OSBPL10: variants seen among roughly 807,000 people sequenced by gnomAD.
The protein encoded by OSBPL10 is oxysterol-binding protein-related protein 10.
A neutral mutation model predicts 81.7 loss-of-function variants in OSBPL10; 49 were observed. That is an observed-to-expected ratio of 0.60 (90% CI 0.48 to 0.76). The LOEUF (loss-of-function observed/expected upper bound fraction) is 0.76, where lower values mean the gene tolerates loss of function less well. Ranked by LOEUF, OSBPL10 falls within the 30% of genes least tolerant of loss-of-function variation. OSBPL10 has a pLI of 0.00. For missense variants in OSBPL10, 923 were observed against 987.8 expected (o/e 0.93, Z 0.88); for synonymous variants, 419 against 383.6 (o/e 1.09, Z -1.08).
chr3:31,727,811 C>T (rs1484422165), intron 6 of OSBPL10, among the ~76,000 whole-genome samples: 2 of 152,160 alleles, frequency 1.3e-5, no homozygotes, highest in African/African-American at 2.4e-5. Context: ...TCTACCTATA[C>T]CTTTATGTAT....
intron 4 of OSBPL10, among the ~76,000 whole-genome samples, chr3:31,786,105 A>G (rs1698853084): frequency 6.6e-6 from 1 of 152,178 alleles, no homozygotes; most frequent in Non-Finnish European, 1.5e-5. Context: ...CCTCCTTTTC[A>G]GTGAGCCACC....
intron 6 of OSBPL10, among the ~76,000 whole-genome samples, chr3:31,706,050 G>C (rs116070886): frequency 0.021 from 3,228 of 152,166 alleles, 131 homozygotes; most frequent in African/African-American, 0.072. Flanking sequence ...GGAAAAATGA[G>C]GATTTTAATA....
intron 1 of OSBPL10, among the ~76,000 whole-genome samples, chr3:31,965,810 AT>A: frequency 3.1e-5 from 2 of 63,786 alleles, no homozygotes; most frequent in African/African-American, 2.8e-4. Context: ...ATCTATTTAT[AT>A]AATATATATT....
chr3:31,686,173 A>T (rs2125554335), intron 7 of OSBPL10, among the ~76,000 whole-genome samples: 1 of 152,248 alleles, frequency 6.6e-6, no homozygotes, highest in African/African-American at 2.4e-5. Flanking sequence ...GCCAGATGTG[A>T]CACTATGCTC....
At chr3:31,725,433 C>T (rs1311221291) in intron 6 of OSBPL10, among the ~76,000 whole-genome samples, 3 of 152,138 alleles carry the variant, frequency 2.0e-5, no homozygotes, top group Admixed American at 6.5e-5. Flanking sequence ...AGAAAAAACC[C>T]GGATGATCAA....
chr3:31,880,353 C>G (rs116735242), intron 1 of OSBPL10, among the ~76,000 whole-genome samples: 2,590 of 152,342 alleles, frequency 0.017, 62 homozygotes, highest in African/African-American at 0.058. Flanking sequence ...CTGCAACCAT[C>G]TGGACACGCT....
At chr3:32,032,962 T>A (rs983252768) in intron 2 of OSBPL10, among the ~76,000 whole-genome samples, 2 of 152,180 alleles carry the variant, frequency 1.3e-5, no homozygotes, top group Admixed American at 6.5e-5. Flanking sequence ...CTATCAGCAA[T>A]AAAATGTAAA....
At chr3:31,671,885 C>T (rs1242871347) in intron 8 of OSBPL10, among the ~76,000 whole-genome samples, 2 of 152,142 alleles carry the variant, frequency 1.3e-5, no homozygotes, top group African/African-American at 4.8e-5. Context: ...GGCCCTGAGA[C>T]CCAGCACTAC....
chr3:31,814,052 C>G (rs1313398619), intron 4 of OSBPL10, among the ~76,000 whole-genome samples: 1 of 152,158 alleles, frequency 6.6e-6, no homozygotes, highest in South Asian at 2.1e-4. Context: ...ATCCTTACAG[C>G]CTCTCTCCTC....
intron 7 of OSBPL10, among the ~76,000 whole-genome samples, chr3:31,690,435 C>T (rs1286232827): frequency 6.6e-6 from 1 of 152,046 alleles, no homozygotes; most frequent in Non-Finnish European, 1.5e-5. Context: ...TTCTTGATAG[C>T]AATGCAAGAA....
upstream of OSBPL10, chr3:31,981,306 G>T: frequency 7.9e-7 from 1 of 1,273,444 alleles, no homozygotes; most frequent in South Asian, 2.7e-5. This position sits in a 1 kb window ranked among gnomAD's most constrained non-coding sequence, Gnocchi z 4.5. Context: ...GGAAATGCCT[G>T]ACTCATACAG....
chr3:31,917,379 T>C (rs1054711511), intron 1 of OSBPL10, among the ~76,000 whole-genome samples: 1 of 152,230 alleles, frequency 6.6e-6, no homozygotes, highest in Admixed American at 6.5e-5. Flanking sequence ...AAATCCTTAC[T>C]GCTTGACTAG....
chr3:31,889,337 A>T (rs1029562956), intron 1 of OSBPL10, among the ~76,000 whole-genome samples: 2 of 152,206 alleles, frequency 1.3e-5, no homozygotes, highest in African/African-American at 4.8e-5. Context: ...TATTGAAGAG[A>T]CATCTGCACC....
intron 2 of OSBPL10, among the ~76,000 whole-genome samples, chr3:31,876,903 CTTTT>C (rs35788348): frequency 4.6e-5 from 6 of 131,754 alleles, no homozygotes; most frequent in East Asian, 2.2e-4. Context: ...TCAAATGGCA[CTTTT>C]TTTTTTTTTT....
intron 1 of OSBPL10, among the ~76,000 whole-genome samples, chr3:31,911,055 G>T (rs770596876): frequency 7.9e-5 from 12 of 152,102 alleles, no homozygotes; most frequent in Non-Finnish European, 1.5e-4. Context: ...CATATTAAAT[G>T]CGACACCCAC....
At chr3:31,845,797 C>T (rs898898741) in intron 3 of OSBPL10, among the ~76,000 whole-genome samples, 1 of 152,222 alleles carries the variant, frequency 6.6e-6, no homozygotes, top group African/African-American at 2.4e-5. Context: ...TTTTCAGAGA[C>T]TCCCAAAACC....
intron 1 of OSBPL10, among the ~76,000 whole-genome samples, chr3:31,946,970 C>T (rs1439375645): frequency 3.3e-5 from 5 of 152,144 alleles, no homozygotes; most frequent in African/African-American, 9.7e-5. Flanking sequence ...AGAGAGGCAG[C>T]TACGGCTCAG....
chr3:31,831,844 C>A (rs993642734), intron 3 of OSBPL10, among the ~76,000 whole-genome samples: 1 of 152,172 alleles, frequency 6.6e-6, no homozygotes, highest in African/African-American at 2.4e-5. Flanking sequence ...AAACACATCT[C>A]CCCCTGGCTC....
At chr3:31,724,600 G>C (rs181750240) in intron 6 of OSBPL10, among the ~76,000 whole-genome samples, 1 of 139,710 alleles carries the variant, frequency 7.2e-6, no homozygotes, top group African/African-American at 2.7e-5. Flanking sequence ...AAAAGGAAGA[G>C]AGGAGGAGAA....
Sources: gnomAD v4.1 joint callset for allele counts (sites outside exome capture counted in the v4.1 genomes callset) on GRCh38, gnomAD v4.1.1 for gene constraint, Gnocchi (gnomAD v3.1) non-coding constraint, MANE v1.5 for transcripts, NCBI Gene and HGNC (gene_info 2026-07-23, HGNC 2026-07-21) for gene names.